The following BLOC1S5 variants were observed in gnomAD, a reference collection of about 807,000 sequenced individuals.
BLOC1S5 encodes the protein biogenesis of lysosome-related organelles complex 1 subunit 5.
A neutral mutation model predicts 24.3 loss-of-function variants in BLOC1S5; 27 were observed. The ratio of observed to expected loss-of-function variants is 1.11; its 90% CI spans 0.82 to 1.53. The LOEUF (loss-of-function observed/expected upper bound fraction) is 1.53, where lower values mean the gene tolerates loss of function less well. Ranked by LOEUF, BLOC1S5 falls within the 40% of genes most tolerant of loss-of-function variation. The pLI is 0.00. For synonymous variants in BLOC1S5, 84 were observed against 74.5 expected (o/e 1.13, Z -0.66); for missense variants, 239 against 229.4 (o/e 1.04, Z -0.27).
intron 4 of BLOC1S5, among the ~76,000 whole-genome samples, chr6:8,024,791 T>C (rs1763053702): frequency 6.6e-6 from 1 of 152,178 alleles, no homozygotes; most frequent in African/African-American, 2.4e-5. Flanking sequence ...TTCAAAGTCA[T>C]TTCAAATAAT....
intron 1 of BLOC1S5, among the ~76,000 whole-genome samples, chr6:8,063,787 T>G (rs1319611542): frequency 1.3e-5 from 2 of 152,268 alleles, no homozygotes; most frequent in Non-Finnish European, 2.9e-5. Context: ...TTTCTGAACG[T>G]GAATGGTTCT....
At chr6:8,061,530 T>C (rs1460314221) in intron 2 of BLOC1S5, among the ~76,000 whole-genome samples, 1 of 152,226 alleles carries the variant, frequency 6.6e-6, no homozygotes, top group Non-Finnish European at 1.5e-5. Context: ...CTGGGAAGTA[T>C]GATGCAGTTT....
At chr6:8,040,501 A>T (rs1318278953) in intron 3 of BLOC1S5, among the ~76,000 whole-genome samples, 1 of 152,250 alleles carries the variant, frequency 6.6e-6, no homozygotes, top group East Asian at 1.9e-4. Flanking sequence ...GTAAAGAATT[A>T]TAATTGCATA....
At chr6:8,044,125 T>C (rs1332581825) in intron 2 of BLOC1S5, among the ~76,000 whole-genome samples, 3 of 151,572 alleles carry the variant, frequency 2.0e-5, no homozygotes, top group Non-Finnish European at 4.4e-5. Flanking sequence ...CTACTAAAGA[T>C]ACAAAAAAAT....
intron 3 of BLOC1S5, among the ~76,000 whole-genome samples, chr6:8,038,180 G>A (rs570175721): frequency 2.6e-5 from 4 of 152,200 alleles, no homozygotes; most frequent in African/African-American, 9.6e-5. Context: ...AAACGCTTCC[G>A]TGACGCAAAG....
At chr6:8,040,130 G>A (rs942861448) in intron 3 of BLOC1S5, among the ~76,000 whole-genome samples, 1 of 152,182 alleles carries the variant, frequency 6.6e-6, no homozygotes, top group African/African-American at 2.4e-5. Flanking sequence ...GTAACATCCT[G>A]AAGTGGAACT....
rs1308847147 is a variant in BLOC1S5, at chr6:8,041,215, G to T, written c.249C>A (p.Ile83=). ...MRVLENLKNM[I]HETNEHTLPK... ...GAAGAGTATGTTCATTTGTTTCATG[G>T]ATCATGTTCTTCAAATTTTCAAGAA... Residue 83 remains isoleucine (I), a synonymous_variant, in exon 3 of 5, where the codon ATC becomes ATA. Transcript: ENST00000397457. 2.5e-6 allele frequency: 4 copies of T among 1,612,320 alleles called. No homozygotes were observed. In the Admixed American group the frequency reaches 6.7e-5, roughly 27 times the overall value.
At chr6:8,055,263 G>A (rs1292089950) in intron 2 of BLOC1S5, among the ~76,000 whole-genome samples, 1 of 152,140 alleles carries the variant, frequency 6.6e-6, no homozygotes, top group Non-Finnish European at 1.5e-5. Flanking sequence ...GTGAAACCCT[G>A]TCTCTATTAA....
chr6:8,021,803 A>T (rs1052095063), intron 4 of BLOC1S5, among the ~76,000 whole-genome samples: 1 of 152,200 alleles, frequency 6.6e-6, no homozygotes, highest in African/African-American at 2.4e-5. Context: ...AAATGAAATC[A>T]ATTGCACTCT....
intron 2 of BLOC1S5, among the ~76,000 whole-genome samples, chr6:8,049,651 C>T (rs981387105): frequency 3.3e-5 from 5 of 152,054 alleles, no homozygotes; most frequent in Non-Finnish European, 7.3e-5. Context: ...TATCCAACCA[C>T]TGTTTTAAGT....
intron 2 of BLOC1S5, among the ~76,000 whole-genome samples, chr6:8,055,304 G>A (rs1303555316): frequency 2.0e-5 from 3 of 152,192 alleles, no homozygotes; most frequent in Non-Finnish European, 2.9e-5. Context: ...GTGTGGTGGC[G>A]TGTGCCTGCA....
intron 4 of BLOC1S5, among the ~76,000 whole-genome samples, chr6:8,016,992 C>T (rs1385042397): frequency 2.7e-5 from 4 of 150,592 alleles, no homozygotes; most frequent in South Asian, 2.1e-4. Flanking sequence ...CTTAATATTG[C>T]TATATAAGGA....
rs762542790 is a variant in BLOC1S5 at position 8,041,182 on chromosome 6, A to G, written c.282T>C (p.Cys94=). Residue 94 remains cysteine (C), a synonymous_variant, in exon 3 of 5, where the codon TGT becomes TGC. Transcript: ENST00000397457. ...TGAGGCTGTCCCGCATTGTGTCTCTACATTTGGGAAGAGTATGTTCATTTG... is the reference window on the plus strand; with the variant it reads ...TGAGGCTGTCCCGCATTGTGTCTCTGCATTTGGGAAGAGTATGTTCATTTG... ...HETNEHTLPK[C]RDTMRDSLSQ... 2 of 1,611,928 alleles carry G rather than the reference A, an allele frequency of 1.2e-6. No individual in the cohort carries two copies. Among genetic ancestry groups the G allele is most frequent in the Middle Eastern group, 1.7e-4 (1 of 6,056 alleles).
chr6:8,052,990 G>T (rs1003089195), intron 2 of BLOC1S5, among the ~76,000 whole-genome samples: 1 of 152,024 alleles, frequency 6.6e-6, no homozygotes, highest in African/African-American at 2.4e-5. Flanking sequence ...TCTTATGGAT[G>T]AGCAAAGAAT....
intron 4 of BLOC1S5, among the ~76,000 whole-genome samples, chr6:8,016,209 C>T (rs910783725): frequency 6.6e-6 from 1 of 152,012 alleles, no homozygotes; most frequent in Non-Finnish European, 1.5e-5. Context: ...GGCTGTAGTT[C>T]CAGCTACTCG....
At chr6:8,026,480 A>T (rs1020036261) in intron 3 of BLOC1S5, 55 bp from the exon 4 acceptor site, 4 of 1,398,864 alleles carry the variant, frequency 2.9e-6, no homozygotes, top group Non-Finnish European at 4.0e-6. Flanking sequence ...AAGGAAACAC[A>T]TACCTGGGGG....
intron 2 of BLOC1S5, among the ~76,000 whole-genome samples, chr6:8,044,472 GA>G (rs1469336304): frequency 6.6e-6 from 1 of 152,112 alleles, no homozygotes; most frequent in East Asian, 1.9e-4. Flanking sequence ...GGGCGTGGCT[GA>G]AAAGATAGAA....
chr6:8,038,907 AGGTTCCT>A (rs1763586007), intron 3 of BLOC1S5, among the ~76,000 whole-genome samples: 1 of 152,228 alleles, frequency 6.6e-6, no homozygotes, highest in Non-Finnish European at 1.5e-5. Flanking sequence ...AACAGTTTGG[AGGTTCCT>A]CAAAAAACTA....
At chr6:8,048,959 A>G (rs1764005241) in intron 2 of BLOC1S5, among the ~76,000 whole-genome samples, 1 of 150,322 alleles carries the variant, frequency 6.7e-6, no homozygotes, top group African/African-American at 2.5e-5. Flanking sequence ...AGCTGCAGTG[A>G]GTCGAGATCA....
Sources: allele counts gnomAD v4.1 joint callset (sites outside exome capture counted in the v4.1 genomes callset), GRCh38; gene constraint gnomAD v4.1.1; transcripts MANE v1.5; gene names NCBI Gene and HGNC (gene_info 2026-07-23, HGNC 2026-07-21).